TMEM269: variants seen among roughly 807,000 people sequenced by gnomAD.
The protein encoded by TMEM269 is transmembrane protein 269.
In TMEM269, 12 loss-of-function variants were observed where a neutral mutation model predicts 15.8. The observed-to-expected ratio is 0.76, with a 90% CI of 0.49 to 1.23. The LOEUF is 1.23. TMEM269 is among the 50% of genes most tolerant of loss of function. TMEM269 has a pLI of 0.00. For missense variants in TMEM269, 211 were observed against 245.4 expected, an observed-to-expected ratio of 0.86 and a Z score of 0.94; for synonymous variants, 93 against 99.3, an observed-to-expected ratio of 0.94 and a Z score of 0.38.
At chr1:42,785,338 C>T (rs1358631898) in intron 1 of TMEM269, among the ~76,000 whole-genome samples, 1 of 152,150 alleles carries the variant, frequency 6.6e-6, no homozygotes, top group Non-Finnish European at 1.5e-5. Context: ...GCGTCGTCGC[C>T]GTGCCTGTGC....
At chr1:42,793,530 C>G (rs1410257630) in intron 3 of TMEM269, 71 bp from the exon 4 acceptor site, 7 of 1,450,736 alleles carry the variant, frequency 4.8e-6, no homozygotes, top group African/African-American at 4.3e-5. Flanking sequence ...CCCCAGCTCC[C>G]CTACTAGATG....
At chr1:42,795,432 A>G (rs1308458239) in intron 5 of TMEM269, among the ~76,000 whole-genome samples, 1 of 152,262 alleles carries the variant, frequency 6.6e-6, no homozygotes, top group South Asian at 2.1e-4. Flanking sequence ...GCAGTTTTCA[A>G]TAATCACTTT....
chr1:42,791,775 G>A (rs538859366), intron 2 of TMEM269, among the ~76,000 whole-genome samples: 1 of 152,332 alleles, frequency 6.6e-6, no homozygotes, highest in South Asian at 2.1e-4. Context: ...GCTGAGGCCG[G>A]CGGATCACTT....
At position 42,788,608 on chromosome 1, in the gene TMEM269, C is replaced by T. The variant is rs1336471033; in HGVS notation, c.-98-1188C>T. Among the ~76,000 whole-genome samples, 2 of 152,196 alleles carry T rather than the reference C, an allele frequency of 1.3e-5. No homozygotes were observed. The highest frequency in any genetic ancestry group is 4.8e-5 in the African/African-American group (2 of 41,454). The stretch of plus-strand genomic sequence containing the variant: ...GGGGCCTGGGCTGGACGGTCCCACA[C>T]ACACAGGGAGGCTGCTGCTGCCTCG... On this transcript the variant is annotated intron_variant, in intron 1 of 5. Transcript: ENST00000637012. The surrounding 1 kb of genome is among the most constrained non-coding windows in gnomAD (Gnocchi z 4.0).
In TMEM269 at chr1:42,794,490, G is replaced by A; in HGVS notation, c.361G>A (p.Gly121Ser). Residue 121 changes from glycine (G) to serine (S), a missense_variant, in exon 5 of 6, where the codon GGC (glycine) becomes AGC (serine). By Grantham distance (56) the Gly-to-Ser change is moderately conservative. Coordinates refer to ENST00000637012, the MANE Select transcript of TMEM269 (RefSeq NM_001354602.2). ...GGCTTCCACCTCCCTTCTGACCAAA[G>A]GCAACAGGTTCATCCTCTGCTGCAT... ...ILASTSLLTK[G>S]NRFILCCMAS... The A allele has an allele frequency of 6.4e-7, 1 of 1,550,654 alleles. No individual in the cohort carries two copies. The highest frequency in any genetic ancestry group is 1.2e-5 in the South Asian group (1 of 84,062).
At chr1:42,791,718 C>A (rs1653689227) in intron 2 of TMEM269, among the ~76,000 whole-genome samples, 1 of 152,104 alleles carries the variant, frequency 6.6e-6, no homozygotes, top group East Asian at 1.9e-4. Flanking sequence ...AAGTAAAAAT[C>A]AGGCCGGGCG....
At chr1:42,787,389 A>G (rs1653562028) in intron 1 of TMEM269, among the ~76,000 whole-genome samples, 2 of 151,702 alleles carry the variant, frequency 1.3e-5, no homozygotes, top group Non-Finnish European at 2.9e-5. Flanking sequence ...TCATGAGGTC[A>G]GGAGATCGAG....
rs1299152644 is a variant in TMEM269, at chr1:42,788,626, C to T, written c.-98-1170C>T. Among the ~76,000 whole-genome samples, 1 of 152,188 alleles carries T rather than the reference C, an allele frequency of 6.6e-6. No homozygotes were observed. The highest frequency in any genetic ancestry group is 1.5e-5 in the Non-Finnish European group (1 of 68,026). On this transcript the variant is annotated intron_variant, in intron 1 of 5. Transcript: ENST00000637012. The surrounding 1 kb of genome is among the most constrained non-coding windows in gnomAD (Gnocchi z 4.0). ...TCCCACACACACAGGGAGGCTGCTG[C>T]TGCCTCGCAGGCCTGGCCATTGAGC...
chr1:42,785,332 CGTCGCCGTGCCTGTGCCACGCGT>C (rs1183250012), intron 1 of TMEM269, among the ~76,000 whole-genome samples: 1 of 152,150 alleles, frequency 6.6e-6, no homozygotes. Context: ...TGAGCGGCGT[CGTCGCCGTGCCTGTGCCACGCGT>C]GTCGCCGGCT....
chr1:42,793,796 G>A (rs2124220370), intron 4 of TMEM269, 52 bp downstream of exon 4: 1 of 1,510,742 alleles, frequency 6.6e-7, no homozygotes, highest in Non-Finnish European at 8.9e-7. Flanking sequence ...GCACAGAACG[G>A]GGGGCTGTCG....
In TMEM269 at chr1:42,800,205, T is replaced by C. The variant is rs1653865109; in HGVS notation, c.*1980T>C. ...AATTCATACTTAATTGCCTCCAGTT[T>C]TTTTTGTAGGTTAATGACACTAGGA... On this transcript the variant is annotated 3_prime_UTR_variant, in exon 6 of 6. Transcript: ENST00000637012. 6.6e-6 allele frequency: 1 copy of C among 152,190 alleles called. No individual in the cohort carries two copies. The highest frequency in any genetic ancestry group is 1.5e-5 in the Non-Finnish European group (1 of 68,040). 9.4% of individuals were successfully genotyped at this position (152,190 alleles called of 1,614,324 possible). A position where few individuals can be genotyped will look rare whatever the true frequency, so the allele number is the denominator to read the frequency against.
At chr1:42,785,966 C>T (rs1406903012) in intron 1 of TMEM269, among the ~76,000 whole-genome samples, 3 of 152,176 alleles carry the variant, frequency 2.0e-5, no homozygotes, top group Non-Finnish European at 4.4e-5. Flanking sequence ...CGGCCTGGCT[C>T]TTGTTCTCCT....
At chr1:42,787,288 A>G (rs1653559329) in intron 1 of TMEM269, among the ~76,000 whole-genome samples, 2 of 152,196 alleles carry the variant, frequency 1.3e-5, no homozygotes, top group South Asian at 2.1e-4. Flanking sequence ...TCCTTGCTTT[A>G]CCTGGAAAGT....
rs930725472 is a variant in TMEM269, at chr1:42,799,464, TAAA to T, written c.*1242_*1244del. The T allele has an allele frequency of 2.0e-5, 3 of 152,198 alleles. No individual in the cohort carries two copies. The highest frequency in any genetic ancestry group is 2.1e-4 in the South Asian group (1 of 4,832). 9.4% of individuals were successfully genotyped at this position (152,198 alleles called of 1,614,324 possible). A position where few individuals can be genotyped will look rare whatever the true frequency, so the allele number is the denominator to read the frequency against. On this transcript the variant is annotated 3_prime_UTR_variant, in exon 6 of 6. Transcript: ENST00000637012. Reference sequence around the variant, plus strand: ...TATTCTCAAATTAGATGTTTAAAAATAAAAACCCAAAGTAAGATTTGACTGTAA... The same window carrying T: ...TATTCTCAAATTAGATGTTTAAAAATAACCCAAAGTAAGATTTGACTGTAA...
rs958693318 is a variant in TMEM269, at chr1:42,788,550, G to GTGGGAGAGAC, written c.-98-1229_-98-1220dup. ...GGGCAGGGCCAGCCAATTCCCTGTTGTGGGAGAGACTGGGAGAGACTGGGA... is the reference window on the plus strand; with the variant it reads ...GGGCAGGGCCAGCCAATTCCCTGTTGTGGGAGAGACTGGGAGAGACTGGGAGAGACTGGGA... On this transcript the variant is annotated intron_variant, in intron 1 of 5. Transcript: ENST00000637012. The surrounding 1 kb of genome is among the most constrained non-coding windows in gnomAD (Gnocchi z 4.0). 3.3e-5 allele frequency among the ~76,000 whole-genome samples: 5 copies of GTGGGAGAGAC among 152,158 alleles called. No homozygotes were observed. Among genetic ancestry groups the GTGGGAGAGAC allele is most frequent in the African/African-American group, 1.2e-4 (5 of 41,456 alleles).
intron 5 of TMEM269, among the ~76,000 whole-genome samples, chr1:42,795,101 C>A (rs1653769562): frequency 1.3e-5 from 2 of 152,142 alleles, no homozygotes; most frequent in Non-Finnish European, 2.9e-5. Flanking sequence ...AGAGGGTGAC[C>A]TACTTCAGGC....
rs1345533102 is a variant in TMEM269, at chr1:42,793,755, C to A, written c.283+11C>A. ...GCTTTTATTCACCTGGTGAGTGGAA[C>A]CAAGGTTGCCTTAGAACAGAGGGCA... is the stretch of plus-strand genomic sequence containing the variant. On this transcript the variant is annotated intron_variant, in intron 4 of 5. Coordinates refer to ENST00000637012, the MANE Select transcript of TMEM269 (RefSeq NM_001354602.2). 1.3e-6 allele frequency: 2 copies of A among 1,549,124 alleles called. No homozygotes were observed. The highest frequency in any genetic ancestry group is 1.7e-6 in the Non-Finnish European group (2 of 1,146,290).
At chr1:42,785,742 C>T (rs1419468966) in intron 1 of TMEM269, among the ~76,000 whole-genome samples, 2 of 152,264 alleles carry the variant, frequency 1.3e-5, no homozygotes, top group African/African-American at 4.8e-5. Flanking sequence ...CGTGCTTCCG[C>T]ACCTGCGGTT....
At chr1:42,789,452 C>G in intron 1 of TMEM269, 1 of 1,535,536 alleles carries the variant, frequency 6.5e-7, no homozygotes, top group South Asian at 1.2e-5. Flanking sequence ...GGGCCCCATA[C>G]CCCCTGCATT....
Sources: allele counts gnomAD v4.1 joint callset (sites outside exome capture counted in the v4.1 genomes callset), GRCh38; gene constraint gnomAD v4.1.1; non-coding constraint Gnocchi (gnomAD v3.1); transcripts MANE v1.5; gene names NCBI Gene and HGNC (gene_info 2026-07-23, HGNC 2026-07-21).